The following TTC28 variants were observed in gnomAD, a reference collection of about 807,000 sequenced individuals.
TTC28 encodes tetratricopeptide repeat protein 28.
Under a neutral mutation model 198.0 loss-of-function variants are expected in TTC28, and 61 were observed. The observed-to-expected ratio is 0.31, with a 90% CI of 0.25 to 0.38. The LOEUF is 0.38. Ranked by LOEUF, TTC28 falls within the 10% of genes least tolerant of loss-of-function variation. The pLI is 1.00. For missense variants in TTC28, 2,678 were observed against 3,164.0 expected, an observed-to-expected ratio of 0.85 and a Z score of 3.69; for synonymous variants, 1,171 against 1,297.8, an observed-to-expected ratio of 0.90 and a Z score of 2.10.
At chr22:28,536,491 G>T (rs1232423394) in intron 2 of TTC28, among the ~76,000 whole-genome samples, 1 of 151,948 alleles carries the variant, frequency 6.6e-6, no homozygotes, top group African/African-American at 2.4e-5. Flanking sequence ...AGACGTGGTG[G>T]CAGGCGCCTG....
At chr22:28,373,972 A>G (rs1370876749) in intron 2 of TTC28, among the ~76,000 whole-genome samples, 1 of 152,148 alleles carries the variant, frequency 6.6e-6, no homozygotes, top group Admixed American at 6.5e-5. Flanking sequence ...ATTCCACATA[A>G]GCTATTTTGA....
intron 6 of TTC28, among the ~76,000 whole-genome samples, chr22:28,136,772 C>T (rs1196688092): frequency 6.6e-6 from 1 of 152,190 alleles, no homozygotes; most frequent in East Asian, 1.9e-4. Context: ...CAATACAAGG[C>T]TCTGTTCTGT....
At position 27,983,832 on chromosome 22, in the gene TTC28, C is replaced by T; in HGVS notation, c.5835G>A (p.Lys1945=). The change falls in exon 23 of 23, where the codon AAG becomes AAA. Residue 1945 remains lysine, a synonymous_variant. Transcript: ENST00000397906. The part of the protein sequence containing the change: ...LSLFDSTELP[K]RLSLDSSSSL... Reference sequence around the variant, plus strand: ...AGGAGGAGCTGTCAAGGCTGAGGCGCTTGGGTAGCTCAGTAGAATCTAAGC... The same window carrying T: ...AGGAGGAGCTGTCAAGGCTGAGGCGTTTGGGTAGCTCAGTAGAATCTAAGC... 6.4e-7 allele frequency: 1 copy of T among 1,551,494 alleles called. No individual in the cohort carries two copies. Among genetic ancestry groups the T allele is most frequent in the Non-Finnish European group, 8.7e-7 (1 of 1,146,892 alleles).
At chr22:28,411,973 AGTATT>A (rs2047088774) in intron 2 of TTC28, among the ~76,000 whole-genome samples, 2 of 152,252 alleles carry the variant, frequency 1.3e-5, no homozygotes, top group Non-Finnish European at 2.9e-5. Flanking sequence ...AATACTTTAA[AGTATT>A]ACAATTTCAA....
intron 2 of TTC28, among the ~76,000 whole-genome samples, chr22:28,499,706 T>C (rs2048509578): frequency 1.3e-5 from 2 of 152,220 alleles, no homozygotes; most frequent in South Asian, 2.1e-4. Context: ...GAAGATAGCA[T>C]ACATGAATTA....
At chr22:28,485,617 G>GT (rs754021658) in intron 2 of TTC28, among the ~76,000 whole-genome samples, 3 of 152,098 alleles carry the variant, frequency 2.0e-5, no homozygotes, top group Non-Finnish European at 4.4e-5. Context: ...TGCTGGGTCT[G>GT]TGGGGTGGGG....
At chr22:28,039,371 G>A (rs889089244) in intron 12 of TTC28, among the ~76,000 whole-genome samples, 2 of 152,152 alleles carry the variant, frequency 1.3e-5, no homozygotes, top group Non-Finnish European at 2.9e-5. Flanking sequence ...TCCTTTGTAG[G>A]GACATGGATG....
chr22:28,315,388 G>A (rs1443483214), intron 2 of TTC28, among the ~76,000 whole-genome samples: 2 of 152,092 alleles, frequency 1.3e-5, no homozygotes, highest in Non-Finnish European at 1.5e-5. Flanking sequence ...CAGAGGGACA[G>A]GCCCTTGGAG....
intron 6 of TTC28, among the ~76,000 whole-genome samples, chr22:28,160,397 T>C (rs948918863): frequency 2.6e-5 from 4 of 151,990 alleles, no homozygotes; most frequent in Non-Finnish European, 5.9e-5. Flanking sequence ...CAAAAGGACA[T>C]ATACAAAGAA....
intron 2 of TTC28, among the ~76,000 whole-genome samples, chr22:28,596,962 A>T (rs1177518287): frequency 6.6e-6 from 1 of 152,196 alleles, no homozygotes; most frequent in Non-Finnish European, 1.5e-5. Context: ...ATACAGCAAC[A>T]GCCTAGAAAT....
chr22:28,535,982 G>T (rs570596529), intron 2 of TTC28, among the ~76,000 whole-genome samples: 2 of 151,500 alleles, frequency 1.3e-5, no homozygotes, highest in Admixed American at 1.3e-4. Context: ...AGGCCGAGGC[G>T]GGCAGATCAC....
intron 14 of TTC28, among the ~76,000 whole-genome samples, chr22:28,004,144 G>A (rs1324979734): frequency 1.3e-5 from 2 of 152,252 alleles, no homozygotes; most frequent in Non-Finnish European, 2.9e-5. Flanking sequence ...ACCCAGGAGG[G>A]TCCGTGAGGG....
intron 6 of TTC28, among the ~76,000 whole-genome samples, chr22:28,158,823 T>C (rs1368234965): frequency 2.6e-5 from 4 of 152,186 alleles, no homozygotes; most frequent in Non-Finnish European, 4.4e-5. Flanking sequence ...TAAGAAAACA[T>C]TGGAGAAAAT....
At chr22:28,168,250 G>A (rs1357391133) in intron 5 of TTC28, among the ~76,000 whole-genome samples, 2 of 152,102 alleles carry the variant, frequency 1.3e-5, no homozygotes, top group Non-Finnish European at 2.9e-5. Context: ...TACTGCCCAA[G>A]GTAATTTATA....
chr22:28,339,674 G>A (rs962279124), intron 2 of TTC28, among the ~76,000 whole-genome samples: 12 of 152,290 alleles, frequency 7.9e-5, no homozygotes, highest in East Asian at 1.9e-4. Flanking sequence ...CTCCATGGGC[G>A]CAGGACCCTC....
chr22:28,255,675 C>A (rs1930853909), intron 5 of TTC28, among the ~76,000 whole-genome samples: 1 of 147,908 alleles, frequency 6.8e-6, no homozygotes, highest in African/African-American at 2.5e-5. Context: ...GAGCAAAACT[C>A]CGTCTCAAAA....
intron 14 of TTC28, 79 bp downstream of exon 14, chr22:28,014,169 A>G (rs1175808830): frequency 1.4e-6 from 2 of 1,473,708 alleles, no homozygotes; most frequent in Non-Finnish European, 9.0e-7. Flanking sequence ...TTGGTGTCTA[A>G]GAGGGATACA....
At chr22:28,387,794 T>C (rs2046636497) in intron 2 of TTC28, among the ~76,000 whole-genome samples, 1 of 152,082 alleles carries the variant, frequency 6.6e-6, no homozygotes, top group Admixed American at 6.5e-5. Context: ...TTTTGTAGGT[T>C]GCCTGTTCAC....
intron 1 of TTC28, among the ~76,000 whole-genome samples, chr22:28,674,265 G>GTT (rs943369337): frequency 0.13 from 13,510 of 107,186 alleles, 817 homozygotes; most frequent in African/African-American, 0.14. Context: ...TTTCTTTGTG[G>GTT]TTTTTTTTTT....
Sources: gnomAD v4.1 joint callset for allele counts (sites outside exome capture counted in the v4.1 genomes callset) on GRCh38, gnomAD v4.1.1 for gene constraint, MANE v1.5 for transcripts, NCBI Gene and HGNC (gene_info 2026-07-23, HGNC 2026-07-21) for gene names.